The following UPP2 variants were observed in gnomAD, a reference collection of about 807,000 sequenced individuals.
UPP2 encodes UPase 2.
UPP2 carries 23 observed loss-of-function variants against 26.7 expected under a neutral mutation model. The ratio of observed to expected loss-of-function variants is 0.86; its 90% confidence interval spans 0.62 to 1.22. The LOEUF (loss-of-function observed/expected upper bound fraction) is 1.22. Ranked by LOEUF, UPP2 falls within the 50% of genes most tolerant of loss-of-function variation. UPP2 has a pLI of 0.00. For synonymous variants in UPP2, 127 were observed against 141.3 expected, an observed-to-expected ratio of 0.90 and a Z score of 0.72; for missense variants, 387 against 396.7, an observed-to-expected ratio of 0.98 and a Z score of 0.21.
chr2:158,025,188 C>A (rs1366969750), intron 3 of UPP2, among the ~76,000 whole-genome samples: 50 of 128,350 alleles, frequency 3.9e-4, no homozygotes, highest in African/African-American at 1.4e-3. Flanking sequence ...GGTGACAGAG[C>A]AAGACTCCCT....
intron 3 of UPP2, among the ~76,000 whole-genome samples, chr2:158,055,573 C>A (rs1001464528): frequency 6.6e-6 from 1 of 152,150 alleles, no homozygotes; most frequent in African/African-American, 2.4e-5. Flanking sequence ...TGATAGCCCT[C>A]TAAAAGTATT....
chr2:158,048,101 C>A (rs1294121437), intron 3 of UPP2, among the ~76,000 whole-genome samples: 1 of 152,162 alleles, frequency 6.6e-6, no homozygotes, highest in Non-Finnish European at 1.5e-5. Flanking sequence ...TTTCCCCAAG[C>A]ACCTAATCTA....
intron 1 of UPP2, among the ~76,000 whole-genome samples, chr2:158,105,699 C>T (rs1683178297): frequency 6.6e-6 from 1 of 152,198 alleles, no homozygotes; most frequent in Non-Finnish European, 1.5e-5. Flanking sequence ...AGTTTATATT[C>T]CACAGCCTCC....
chr2:158,071,378 C>A (rs2105187325), intron 3 of UPP2, among the ~76,000 whole-genome samples: 1 of 151,966 alleles, frequency 6.6e-6, no homozygotes, highest in South Asian at 2.1e-4. Flanking sequence ...TGGTGAAACC[C>A]TGTCTCTACT....
At chr2:158,051,806 C>A (rs2105171904) in intron 3 of UPP2, among the ~76,000 whole-genome samples, 1 of 119,656 alleles carries the variant, frequency 8.4e-6, no homozygotes, top group Middle Eastern at 4.5e-3. Flanking sequence ...AACAACAAAA[C>A]AAAACAACTA....
chr2:158,129,109 C>T (rs1289663454), intron 6 of UPP2, among the ~76,000 whole-genome samples: 2 of 152,024 alleles, frequency 1.3e-5, no homozygotes, highest in South Asian at 2.1e-4. Flanking sequence ...TTCTACTCTT[C>T]CCTTCCCACT....
rs1282682409 is a variant in UPP2 at position 157,998,576 on chromosome 2, TG to T, written c.61+3319del. 2.0e-5 allele frequency among the ~76,000 whole-genome samples: 3 copies of T among 151,968 alleles called. No individual in the cohort carries two copies. The East Asian group carries it at 5.8e-4, about 29-fold the overall frequency. On this transcript the variant is annotated intron_variant, in intron 2 of 9. Coordinates refer to the UPP2 transcript ENST00000605860. ...CAGCATTTTGAGAGGCCCAGGTGGC[TG>T]GATCACTTGAGATTAGGAGTTCGAT...
intron 3 of UPP2, among the ~76,000 whole-genome samples, chr2:158,064,368 T>TC (rs1235661401): frequency 1.0e-3 from 18 of 17,196 alleles, no homozygotes; most frequent in African/African-American, 4.3e-3. Flanking sequence ...ATTTTTTTCA[T>TC]ATGTTTGTTG....
chr2:158,113,828 AGAG>A (rs1315774332), intron 2 of UPP2, among the ~76,000 whole-genome samples: 3 of 152,178 alleles, frequency 2.0e-5, no homozygotes, highest in African/African-American at 7.2e-5. Context: ...TTTCCTCACT[AGAG>A]GACTCAAACC....
In UPP2 at chr2:157,995,807, G is replaced by A. The variant is rs147003613; in HGVS notation, c.61+548G>A. 5.0e-3 allele frequency among the ~76,000 whole-genome samples: 755 copies of A among 151,140 alleles called. 8 individuals carry two copies. Among genetic ancestry groups the A allele is most frequent in the African/African-American group, 0.017 (709 of 41,128 alleles). ...TTCCTACTTATACTGAGCATTAATG[G>A]TTTTGAAAAAAAGCTATAATAGTTT... On this transcript the variant is annotated intron_variant, in intron 2 of 9. Coordinates refer to the UPP2 transcript ENST00000605860.
chr2:158,023,230 T>TTGGGG (rs1553463652), intron 3 of UPP2, among the ~76,000 whole-genome samples: 2 of 83,754 alleles, frequency 2.4e-5, no homozygotes, highest in African/African-American at 3.9e-5. Flanking sequence ...TGCTGTCAGT[T>TTGGGG]GGGGGGGGGC....
At chr2:158,051,155 A>ATATGTG (rs1012628019) in intron 3 of UPP2, among the ~76,000 whole-genome samples, 3 of 94,186 alleles carry the variant, frequency 3.2e-5, no homozygotes, top group African/African-American at 1.4e-4. Flanking sequence ...CACTCTAGGA[A>ATATGTG]TATGTGTGTG....
chr2:158,015,027 A>G (rs548864640), intron 2 of UPP2, among the ~76,000 whole-genome samples: 1 of 152,234 alleles, frequency 6.6e-6, no homozygotes, highest in Non-Finnish European at 1.5e-5. Flanking sequence ...TTTGAGCACA[A>G]TTTAATTAAT....
At chr2:158,133,919 G>A (rs1475427101) in intron 6 of UPP2, 1 of 152,140 alleles carries the variant, frequency 6.6e-6, no homozygotes, top group Non-Finnish European at 1.5e-5. Context: ...ATTTCAATGT[G>A]GGTAACCACA....
intron 3 of UPP2, among the ~76,000 whole-genome samples, chr2:158,069,899 G>A (rs1382703122): frequency 3.9e-5 from 6 of 152,106 alleles, no homozygotes; most frequent in Non-Finnish European, 5.9e-5. Context: ...CCAACAAGAA[G>A]ACTGCTGACT....
At chr2:158,040,846 G>A (rs1684073017) in intron 3 of UPP2, among the ~76,000 whole-genome samples, 1 of 152,160 alleles carries the variant, frequency 6.6e-6, no homozygotes, top group Non-Finnish European at 1.5e-5. Context: ...CAGAAGATCT[G>A]GGTTGGAATG....
chr2:158,126,925 A>G (rs1683706028), intron 6 of UPP2: 1 of 152,190 alleles, frequency 6.6e-6, no homozygotes, highest in African/African-American at 2.4e-5. Flanking sequence ...CTGTTCCTTT[A>G]GTACACCAGA....
At chr2:158,051,260 C>T (rs1682153517) in intron 3 of UPP2, among the ~76,000 whole-genome samples, 1 of 148,170 alleles carries the variant, frequency 6.7e-6, no homozygotes, top group South Asian at 2.1e-4. Context: ...TTTTTTTATC[C>T]CATGGAATTT....
chr2:158,045,849 G>A (rs911847901), intron 3 of UPP2, among the ~76,000 whole-genome samples: 3 of 152,240 alleles, frequency 2.0e-5, no homozygotes, highest in South Asian at 2.1e-4. Context: ...AGGCTAGATC[G>A]CAAGTGGTAC....
Sources: gnomAD v4.1 joint callset for allele counts (sites outside exome capture counted in the v4.1 genomes callset) on GRCh38, gnomAD v4.1.1 for gene constraint, MANE v1.5 for transcripts, NCBI Gene and HGNC (gene_info 2026-07-23, HGNC 2026-07-21) for gene names.